Variants in SDCCAG8 observed in about 807,000 individuals in gnomAD.
The protein encoded by SDCCAG8 is SHH signaling and ciliogenesis regulator SDCCAG8.
A neutral mutation model predicts 101.8 loss-of-function variants in SDCCAG8; 74 were observed. The observed-to-expected ratio is 0.73, with a 90% CI of 0.60 to 0.88. The LOEUF (loss-of-function observed/expected upper bound fraction) is 0.88. Ranked by LOEUF, SDCCAG8 falls within the 40% of genes least tolerant of loss-of-function variation. The probability of loss-of-function intolerance (pLI) is 0.00; values close to 1 mark genes in which losing one functional copy is unlikely to be tolerated. For missense variants in SDCCAG8, 787 were observed against 822.6 expected, an observed-to-expected ratio of 0.96 and a Z score of 0.53; for synonymous variants, 281 against 292.9, an observed-to-expected ratio of 0.96 and a Z score of 0.41.
At position 243,341,244 on chromosome 1, in the gene SDCCAG8, A is replaced by G; in HGVS notation, c.1356+71A>G. 6 of 1,551,650 alleles carry G rather than the reference A, an allele frequency of 3.9e-6. 1 individual carries two copies. The highest frequency in any genetic ancestry group is 5.3e-6 in the Non-Finnish European group (6 of 1,130,180). ...CCTTTGAAAAATGTTTTCCTAATGT[A>G]CAAAACTCTTACTGTTATCAGGAGG... On this transcript the variant is annotated intron_variant, in intron 11 of 17. Coordinates refer to ENST00000366541, the MANE Select transcript of SDCCAG8 (RefSeq NM_006642.5).
chr1:243,313,434 T>C (rs760215634), intron 8 of SDCCAG8, among the ~76,000 whole-genome samples: 4 of 152,204 alleles, frequency 2.6e-5, no homozygotes, highest in Non-Finnish European at 5.9e-5. Flanking sequence ...CTTTTGGCCC[T>C]GATTGCTGCG....
At chr1:243,279,325 C>T (rs951299725) in intron 4 of SDCCAG8, among the ~76,000 whole-genome samples, 4 of 152,086 alleles carry the variant, frequency 2.6e-5, no homozygotes, top group African/African-American at 7.2e-5. Flanking sequence ...AATGGGATTG[C>T]GTCCTGATAA....
chr1:243,333,152 T>C (rs917963546), intron 10 of SDCCAG8, among the ~76,000 whole-genome samples: 1 of 152,170 alleles, frequency 6.6e-6, no homozygotes, highest in Non-Finnish European at 1.5e-5. Context: ...GGGAAAGGTG[T>C]CTTCCTAATC....
Position 243,308,147 on chromosome 1 carries a change from T to A in SDCCAG8, c.899T>A (p.Val300Asp), listed in dbSNP as rs745871095. The change falls in exon 8 of 18, where the codon GTT (valine) becomes GAT (aspartate). Residue 300 changes from valine to aspartate, a missense_variant. Val to Asp is a radical substitution (Grantham distance 152). Transcript: ENST00000366541. ...EAVLSQTHTN[V>D]HMQTIERLVK... The stretch of plus-strand genomic sequence containing the variant: ...GTTCTTTCCCAAACCCATACTAATG[T>A]TCATATGCAGACCATCGAAAGACTG... The A allele has an allele frequency of 2.5e-6, 4 of 1,614,180 alleles. No homozygotes were observed. The South Asian group carries it at 4.4e-5, about 18-fold the overall frequency.
rs187233270 is a variant in SDCCAG8 at position 243,348,943 on chromosome 1, G to A, written c.1473+4612G>A. 5.4e-3 allele frequency among the ~76,000 whole-genome samples: 817 copies of A among 151,218 alleles called. 14 individuals are homozygous for A. The highest frequency in any genetic ancestry group is 0.018 in the African/African-American group (745 of 41,184). Reference sequence around the variant, plus strand: ...GGACGTTGTGGTGAGCCGAGATCACGCCACTGCACTCCAGCCTGGGCAACA... The same window carrying A: ...GGACGTTGTGGTGAGCCGAGATCACACCACTGCACTCCAGCCTGGGCAACA... On this transcript the variant is annotated intron_variant, in intron 12 of 17. Transcript: ENST00000366541.
chr1:243,320,519 C>T (rs894290717), intron 9 of SDCCAG8, among the ~76,000 whole-genome samples: 1 of 152,170 alleles, frequency 6.6e-6, no homozygotes, highest in African/African-American at 2.4e-5. Context: ...TCCCAGTACA[C>T]TCAGCTATCG....
rs2068020436 is a variant in SDCCAG8 at position 243,270,830 on chromosome 1, T to G, written c.221-148T>G. On this transcript the variant is annotated intron_variant, in intron 2 of 17. Coordinates refer to ENST00000366541, the MANE Select transcript of SDCCAG8 (RefSeq NM_006642.5). ...TTAAGGGGTAGAAATTCTTTTTTTT[T>G]TTTTATGTTGGTCTTGTATCCCCAG... The G allele has an allele frequency of 3.4e-5, 22 of 653,668 alleles. No individual in the cohort carries two copies. In the South Asian group the frequency reaches 3.8e-4, roughly 11 times the overall value. 40.5% of individuals were successfully genotyped at this position (653,668 alleles called of 1,614,324 possible).
At chr1:243,426,399 TC>T (rs2081342765) in intron 15 of SDCCAG8, 27 bp from the exon 16 acceptor site, 1 of 1,597,152 alleles carries the variant, frequency 6.3e-7, no homozygotes, top group African/African-American at 1.3e-5. Flanking sequence ...ACTTCTAACA[TC>T]TATTATTTTT....
chr1:243,320,474 A>G (rs1032615955), intron 9 of SDCCAG8, among the ~76,000 whole-genome samples: 2 of 152,088 alleles, frequency 1.3e-5, no homozygotes, highest in African/African-American at 4.8e-5. Flanking sequence ...TTGCCCTCCA[A>G]GGCTGCTGCT....
chr1:243,451,262 G>A (rs2083334703), intron 16 of SDCCAG8, among the ~76,000 whole-genome samples: 1 of 152,190 alleles, frequency 6.6e-6, no homozygotes, highest in Non-Finnish European at 1.5e-5. Flanking sequence ...AGGCACAAAT[G>A]TACTGCTGAT....
At chr1:243,339,326 A>G (rs1412687955) in intron 10 of SDCCAG8, among the ~76,000 whole-genome samples, 1 of 152,194 alleles carries the variant, frequency 6.6e-6, no homozygotes, top group Non-Finnish European at 1.5e-5. Context: ...GTAAAATATG[A>G]TTTTTAGTAG....
At chr1:243,421,595 CT>C (rs2081012088) in intron 15 of SDCCAG8, among the ~76,000 whole-genome samples, 1 of 152,214 alleles carries the variant, frequency 6.6e-6, no homozygotes, top group African/African-American at 2.4e-5. Context: ...GTAGTGGTGT[CT>C]GTAACCCCGG....
intron 12 of SDCCAG8, among the ~76,000 whole-genome samples, chr1:243,349,613 A>G (rs945772884): frequency 6.7e-6 from 1 of 148,686 alleles, no homozygotes; most frequent in African/African-American, 2.6e-5. Context: ...TTTGCAGTAT[A>G]ACAAATGTGC....
chr1:243,467,540 A>G lies in SDCCAG8; in HGVS notation c.1986-21474A>G, dbSNP rs569263091. 2.8e-4 allele frequency among the ~76,000 whole-genome samples: 42 copies of G among 152,368 alleles called. 1 individual carries two copies. In the South Asian group the frequency reaches 8.5e-3, roughly 31 times the overall value. The stretch of plus-strand genomic sequence containing the variant: ...CTGGTTAAGCACATATGTGCACCGC[A>G]AATCCACATTTGAGATCCACCCGTT... On this transcript the variant is annotated intron_variant, in intron 16 of 17. Coordinates refer to ENST00000366541, the MANE Select transcript of SDCCAG8 (RefSeq NM_006642.5).
intron 16 of SDCCAG8, among the ~76,000 whole-genome samples, chr1:243,442,947 TTTACA>T (rs1307917488): frequency 1.3e-5 from 2 of 152,240 alleles, no homozygotes; most frequent in Non-Finnish European, 2.9e-5. Flanking sequence ...AGACAATCAA[TTTACA>T]TTAAACAAGG....
chr1:243,489,370 G>T (rs1665816980), intron 17 of SDCCAG8, among the ~76,000 whole-genome samples: 1 of 152,218 alleles, frequency 6.6e-6, no homozygotes, highest in South Asian at 2.1e-4. Flanking sequence ...ACCCCGGCCC[G>T]CGAATCAACG....
chr1:243,389,150 T>TCC (rs373392073), intron 13 of SDCCAG8, among the ~76,000 whole-genome samples: 129 of 116,776 alleles, frequency 1.1e-3, no homozygotes, highest in African/African-American at 1.5e-3. Flanking sequence ...CTGTCCCCCC[T>TCC]CCCCCCCCCA....
At chr1:243,391,136 G>C (rs980964903) in intron 13 of SDCCAG8, among the ~76,000 whole-genome samples, 28 of 152,166 alleles carry the variant, frequency 1.8e-4, no homozygotes, top group African/African-American at 6.5e-4. Context: ...TCCTCCTAGT[G>C]AATGTGTTCT....
chr1:243,394,357 T>C (rs10927006), intron 13 of SDCCAG8, among the ~76,000 whole-genome samples: 18,428 of 152,232 alleles, frequency 0.12, 1,270 homozygotes, highest in Non-Finnish European at 0.15. Context: ...GATTTAAAGT[T>C]GTCATTTAGT....
Sources: gnomAD v4.1 joint callset for allele counts (sites outside exome capture counted in the v4.1 genomes callset) on GRCh38, gnomAD v4.1.1 for gene constraint, MANE v1.5 for transcripts, NCBI Gene and HGNC (gene_info 2026-07-23, HGNC 2026-07-21) for gene names.